CDC123: variants seen among roughly 807,000 people sequenced by gnomAD.
The protein encoded by CDC123 is cell division cycle 123.
Under a neutral mutation model 54.4 loss-of-function variants are expected in CDC123, and 37 were observed. The ratio of observed to expected loss-of-function variants is 0.68; its 90% CI spans 0.52 to 0.89. The LOEUF is 0.89. Ranked by LOEUF, CDC123 falls within the 40% of genes least tolerant of loss-of-function variation. The pLI is 0.00. For missense variants in CDC123, 361 were observed against 412.1 expected (o/e 0.88, Z 1.07); for synonymous variants, 144 against 136.8 (o/e 1.05, Z -0.37).
chr10:12,216,679 A>G (rs1835669371), intron 5 of CDC123, among the ~76,000 whole-genome samples: 1 of 152,154 alleles, frequency 6.6e-6, no homozygotes, highest in African/African-American at 2.4e-5. Context: ...GTGGTTTGCA[A>G]CTGTTAGTTT....
At chr10:12,239,435 G>A (rs911752931) in intron 10 of CDC123, among the ~76,000 whole-genome samples, 2 of 152,100 alleles carry the variant, frequency 1.3e-5, no homozygotes, top group African/African-American at 4.8e-5. Context: ...TATTTTGGCC[G>A]GGTGCAGTGG....
intron 2 of CDC123, 153 bp downstream of exon 2, chr10:12,198,929 T>C: frequency 3.6e-6 from 2 of 559,566 alleles, no homozygotes; most frequent in South Asian, 4.6e-5. Flanking sequence ...CTTCTCAATG[T>C]TCACTTAATA....
intron 7 of CDC123, among the ~76,000 whole-genome samples, chr10:12,233,315 A>ACACACACACACT (rs778520834): frequency 8.7e-5 from 11 of 125,956 alleles, no homozygotes; most frequent in Admixed American, 4.8e-4. Context: ...ACACACACAC[A>ACACACACACACT]CTCTCTGTCT....
At chr10:12,230,815 G>A (rs1457769672) in intron 6 of CDC123, 133 bp from the exon 7 acceptor site, 6 of 801,454 alleles carry the variant, frequency 7.5e-6, no homozygotes, top group African/African-American at 5.2e-5. Flanking sequence ...AGTGTTCGTC[G>A]AATTTGAGTT....
In CDC123 at chr10:12,250,371, G is replaced by A. The variant is rs749232892; in HGVS notation, c.*34G>A. 1.4e-5 allele frequency: 21 copies of A among 1,555,272 alleles called. No individual in the cohort carries two copies. In the East Asian group the frequency reaches 3.6e-4, roughly 27 times the overall value. On this transcript the variant is annotated 3_prime_UTR_variant, in exon 13 of 13. Coordinates refer to ENST00000281141, the MANE Select transcript of CDC123 (RefSeq NM_006023.3). ...CTGGAACTGGAGAAGAGGAGGCCCC[G>A]CCCCACCGCTCCGGGAGCTGCTCAT...
chr10:12,223,376 C>G (rs1045666551), intron 6 of CDC123, among the ~76,000 whole-genome samples: 1 of 152,070 alleles, frequency 6.6e-6, no homozygotes, highest in Admixed American at 6.6e-5. Flanking sequence ...ACCGCTGCCT[C>G]CCAGGTTCAA....
intron 12 of CDC123, 92 bp downstream of exon 12, chr10:12,249,810 A>G: frequency 6.8e-7 from 1 of 1,465,214 alleles, no homozygotes; most frequent in East Asian, 2.3e-5. Context: ...ATCCTGTATC[A>G]CCTAGACTTT....
chr10:12,227,566 CA>C (rs1835842855), intron 6 of CDC123, among the ~76,000 whole-genome samples: 1 of 151,638 alleles, frequency 6.6e-6, no homozygotes, highest in Non-Finnish European at 1.5e-5. Context: ...GTCACGATCT[CA>C]GATCACTGCA....
intron 4 of CDC123, among the ~76,000 whole-genome samples, chr10:12,212,890 C>T (rs985849849): frequency 1.3e-5 from 2 of 152,032 alleles, no homozygotes; most frequent in African/African-American, 4.8e-5. Flanking sequence ...CTGGTCTTAC[C>T]CATTTTGGAT....
chr10:12,204,724 G>T (rs1835492590), intron 2 of CDC123, among the ~76,000 whole-genome samples: 1 of 152,068 alleles, frequency 6.6e-6, no homozygotes, highest in African/African-American at 2.4e-5. Context: ...GGGTGCTGTG[G>T]CTCATGCCTG....
intron 10 of CDC123, among the ~76,000 whole-genome samples, chr10:12,241,086 AG>A (rs1269178726): frequency 6.6e-6 from 1 of 152,120 alleles, no homozygotes; most frequent in Non-Finnish European, 1.5e-5. Context: ...TTTACAATAT[AG>A]GGTTACACTC....
chr10:12,196,228 A>C lies in CDC123; in HGVS notation c.-18A>C, dbSNP rs371415716. Reference sequence around the variant, plus strand: ...TGCAGGCAGGAGAGGGAAAGGCAGCAGCGGCGGCAGCTGGAGGATGAAGAA... The same window carrying C: ...TGCAGGCAGGAGAGGGAAAGGCAGCCGCGGCGGCAGCTGGAGGATGAAGAA... On this transcript the variant is annotated 5_prime_UTR_variant, in exon 1 of 13. Transcript: ENST00000281141. 1 of 1,613,866 alleles carries C rather than the reference A, an allele frequency of 6.2e-7. No homozygotes were observed. The highest frequency in any genetic ancestry group is 8.5e-7 in the Non-Finnish European group (1 of 1,179,910).
intron 6 of CDC123, among the ~76,000 whole-genome samples, chr10:12,220,213 A>G (rs1835717886): frequency 6.6e-6 from 1 of 152,114 alleles, no homozygotes; most frequent in Admixed American, 6.5e-5. Context: ...CTAACTATAA[A>G]TTGCTTTTAA....
chr10:12,217,494 A>T lies in CDC123; in HGVS notation c.440+27A>T, dbSNP rs370745235. 13 of 1,605,912 alleles carry T rather than the reference A, an allele frequency of 8.1e-6. No homozygotes were observed. In the African/African-American group the frequency reaches 1.6e-4, roughly 20 times the overall value. ...TAAGTATCTCTTATTCTCTCATGTC[A>T]ATAGTTTCAGTATTTGTGCAAATTT... On this transcript the variant is annotated intron_variant, in intron 6 of 12. Transcript: ENST00000281141.
chr10:12,212,437 A>G (rs1233395764), intron 4 of CDC123, among the ~76,000 whole-genome samples: 1 of 152,268 alleles, frequency 6.6e-6, no homozygotes, highest in South Asian at 2.1e-4. Flanking sequence ...GTCTAAAAAT[A>G]TGAGCATCAT....
chr10:12,223,136 C>T (rs149748828), intron 6 of CDC123, among the ~76,000 whole-genome samples: 1,542 of 152,048 alleles, frequency 0.01, 26 homozygotes, highest in African/African-American at 0.033. Flanking sequence ...CCTCATGATC[C>T]GCCCACCTTG....
chr10:12,209,573 AT>A (rs1835568157), intron 2 of CDC123, among the ~76,000 whole-genome samples: 1 of 151,328 alleles, frequency 6.6e-6, no homozygotes, highest in African/African-American at 2.4e-5. Flanking sequence ...TTATTTATTT[AT>A]TTTTGAGACA....
chr10:12,225,734 T>C (rs11257605), intron 6 of CDC123, among the ~76,000 whole-genome samples: 13,820 of 146,372 alleles, frequency 0.094, 1,349 homozygotes, highest in African/African-American at 0.24. Context: ...CTTTTTTTTT[T>C]CTAGCTTCTC....
At chr10:12,222,165 A>G (rs1414464510) in intron 6 of CDC123, among the ~76,000 whole-genome samples, 1 of 152,276 alleles carries the variant, frequency 6.6e-6, no homozygotes, top group African/African-American at 2.4e-5. Context: ...CAGCATCTGA[A>G]CAATCCAGGT....
Sources: gnomAD v4.1 joint callset for allele counts (sites outside exome capture counted in the v4.1 genomes callset) on GRCh38, gnomAD v4.1.1 for gene constraint, MANE v1.5 for transcripts, NCBI Gene and HGNC (gene_info 2026-07-23, HGNC 2026-07-21) for gene names.